The following MEIS1 variants were observed in gnomAD, a reference collection of about 807,000 sequenced individuals.
MEIS1 encodes Meis homeobox 1.
A neutral mutation model predicts 50.8 loss-of-function variants in MEIS1; 5 were observed. The observed-to-expected ratio is 0.10, with a 90% confidence interval of 0.05 to 0.21. MEIS1 has a LOEUF of 0.21. Ranked by LOEUF, MEIS1 falls within the 10% of genes least tolerant of loss-of-function variation. MEIS1 has a pLI of 1.00. For missense variants in MEIS1, 318 were observed against 517.3 expected (o/e 0.61, Z 3.74); for synonymous variants, 176 against 179.3 (o/e 0.98, Z 0.15).
chr2:66,452,632 T>C (rs1463574232), intron 6 of MEIS1, among the ~76,000 whole-genome samples: 1 of 151,910 alleles, frequency 6.6e-6, no homozygotes, highest in Non-Finnish European at 1.5e-5. Context: ...TGATGATAAA[T>C]TAATATGTTC....
intron 7 of MEIS1, among the ~76,000 whole-genome samples, chr2:66,506,660 A>T (rs1673691325): frequency 6.6e-6 from 1 of 152,232 alleles, no homozygotes; most frequent in African/African-American, 2.4e-5. Context: ...TCATTCTGGC[A>T]GCTATTATAT....
chr2:66,551,186 T>C (rs1674909960), intron 9 of MEIS1, among the ~76,000 whole-genome samples: 1 of 152,192 alleles, frequency 6.6e-6, no homozygotes, highest in Non-Finnish European at 1.5e-5. Context: ...CAGTTTTAAG[T>C]TAGGCTTTGA....
At chr2:66,551,265 A>T (rs765809134) in intron 9 of MEIS1, among the ~76,000 whole-genome samples, 2 of 152,160 alleles carry the variant, frequency 1.3e-5, no homozygotes, top group Non-Finnish European at 2.9e-5. Flanking sequence ...CTAATTTTAC[A>T]TTTCTCGAAT....
At chr2:66,522,004 G>A (rs929308967) in intron 8 of MEIS1, among the ~76,000 whole-genome samples, 2 of 152,176 alleles carry the variant, frequency 1.3e-5, no homozygotes, top group Non-Finnish European at 2.9e-5. Context: ...ACCCACATCC[G>A]TAATGCGATG....
chr2:66,538,364 AC>A (rs1674569291), intron 8 of MEIS1, among the ~76,000 whole-genome samples: 1 of 152,214 alleles, frequency 6.6e-6, no homozygotes, highest in African/African-American at 2.4e-5. Flanking sequence ...ATAAGTAAAT[AC>A]TTAAAGCTCT....
chr2:66,444,219 C>T (rs1672073227), intron 6 of MEIS1, among the ~76,000 whole-genome samples: 1 of 146,530 alleles, frequency 6.8e-6, no homozygotes, highest in African/African-American at 2.5e-5. Context: ...GTTTCTCTTT[C>T]TGACTCGGCA....
intron 7 of MEIS1, among the ~76,000 whole-genome samples, chr2:66,510,378 A>G (rs797005207): frequency 3.3e-5 from 5 of 152,302 alleles, no homozygotes; most frequent in African/African-American, 1.2e-4. Flanking sequence ...ATGCCAGGGT[A>G]CATGACCTTG....
At chr2:66,501,773 A>G (rs1476656642) in intron 7 of MEIS1, among the ~76,000 whole-genome samples, 2 of 152,188 alleles carry the variant, frequency 1.3e-5, no homozygotes, top group Non-Finnish European at 2.9e-5. Flanking sequence ...AAATCTGAAC[A>G]CTGACAAACT....
chr2:66,464,896 C>CA (rs767087040), intron 7 of MEIS1, among the ~76,000 whole-genome samples: 4 of 152,170 alleles, frequency 2.6e-5, no homozygotes, highest in Non-Finnish European at 5.9e-5. Flanking sequence ...TAGTCTTCAG[C>CA]AAAAGGGCGA....
chr2:66,552,740 A>G (rs901470517), intron 9 of MEIS1, among the ~76,000 whole-genome samples: 1 of 152,214 alleles, frequency 6.6e-6, no homozygotes, highest in Non-Finnish European at 1.5e-5. Context: ...TTCAGCTGTT[A>G]AAGGTCAAGT....
At chr2:66,478,854 G>T (rs761845176) in intron 7 of MEIS1, among the ~76,000 whole-genome samples, 25 of 152,304 alleles carry the variant, frequency 1.6e-4, no homozygotes, top group South Asian at 1.0e-3. Flanking sequence ...AAGATAAGAG[G>T]AGAAAGCCTT....
intron 9 of MEIS1, among the ~76,000 whole-genome samples, chr2:66,558,071 G>A (rs1675112758): frequency 6.6e-6 from 1 of 151,920 alleles, no homozygotes; most frequent in Non-Finnish European, 1.5e-5. Flanking sequence ...CCTGAGGTTG[G>A]GAGTTCAAGA....
At chr2:66,437,065 C>T (rs998477541) in intron 1 of MEIS1, 35 of 589,938 alleles carry the variant, frequency 5.9e-5, no homozygotes, top group Admixed American at 1.9e-4. Flanking sequence ...TGGGGAATTG[C>T]CCAATTCTAA....
At chr2:66,473,397 A>AAAAAAAAAAT in intron 7 of MEIS1, among the ~76,000 whole-genome samples, 72 of 107,564 alleles carry the variant, frequency 6.7e-4, no homozygotes, top group African/African-American at 3.6e-3. Context: ...AAAAAAAAAA[A>AAAAAAAAAAT]ATATATATAT....
intron 8 of MEIS1, among the ~76,000 whole-genome samples, chr2:66,546,579 A>G (rs1674797299): frequency 6.6e-6 from 1 of 152,182 alleles, no homozygotes; most frequent in African/African-American, 2.4e-5. Context: ...CACCTGTAAA[A>G]CAGAAGGGAT....
At chr2:66,512,094 T>G in intron 7 of MEIS1, 55 bp from the exon 8 acceptor site, 1 of 1,484,658 alleles carries the variant, frequency 6.7e-7, no homozygotes, top group South Asian at 1.5e-5. Context: ...GCATTCTATT[T>G]GAATAAAGCA....
At position 66,567,433 on chromosome 2, in the gene MEIS1, T is replaced by A; in HGVS notation, c.966-20T>A. ...TTTATTTTTAAGGAATAACGATTTG[T>A]TTCACTTTCTTGGTTACAGGTTTAT... On this transcript the variant is annotated intron_variant, in intron 9 of 12. Coordinates refer to ENST00000272369, the MANE Select transcript of MEIS1 (RefSeq NM_002398.3). The A allele has an allele frequency of 6.2e-7, 1 of 1,612,394 alleles. No individual in the cohort carries two copies. Among genetic ancestry groups the A allele is most frequent in the Non-Finnish European group, 8.5e-7 (1 of 1,179,026 alleles).
intron 8 of MEIS1, among the ~76,000 whole-genome samples, chr2:66,539,856 CAGA>C (rs1229803717): frequency 3.9e-5 from 6 of 152,186 alleles, no homozygotes; most frequent in Admixed American, 6.5e-5. Flanking sequence ...GCCTCCCAGG[CAGA>C]AGCAGTGGAT....
At position 66,519,716 on chromosome 2, in the gene MEIS1, C is replaced by T. The variant is rs1173285949; in HGVS notation, c.888+7422C>T. 2.0e-5 allele frequency among the ~76,000 whole-genome samples: 3 copies of T among 152,052 alleles called. No homozygotes were observed. The East Asian group carries it at 5.8e-4, about 29-fold the overall frequency. On this transcript the variant is annotated intron_variant, in intron 8 of 12. Coordinates refer to ENST00000272369, the MANE Select transcript of MEIS1 (RefSeq NM_002398.3). ...TTCCTCTATCTAAAGAAAAGGTAGA[C>T]CTTAAATAACTTGATGTTATGAAGG...
Sources: allele counts gnomAD v4.1 joint callset (sites outside exome capture counted in the v4.1 genomes callset), GRCh38; gene constraint gnomAD v4.1.1; transcripts MANE v1.5; gene names NCBI Gene and HGNC (gene_info 2026-07-23, HGNC 2026-07-21).